NEK8: variants seen among roughly 807,000 people sequenced by gnomAD.
NEK8 encodes serine/threonine-protein kinase Nek8.
In NEK8, 51 loss-of-function variants were observed where a neutral mutation model predicts 77.2. The observed-to-expected ratio is 0.66, with a 90% confidence interval of 0.53 to 0.83. The LOEUF is 0.83. Among genes scored for constraint, NEK8 ranks in the 40% least tolerant of loss-of-function variants. The probability of loss-of-function intolerance (pLI) is 0.00; values close to 1 mark genes in which losing one functional copy is unlikely to be tolerated. For missense variants in NEK8, 787 were observed against 909.2 expected (o/e 0.87, Z 1.73); for synonymous variants, 365 against 363.2 (o/e 1.00, Z -0.06).
intron 1 of NEK8, among the ~76,000 whole-genome samples, chr17:28,730,682 C>T (rs1022226796): frequency 1.3e-5 from 2 of 151,992 alleles, no homozygotes; most frequent in African/African-American, 2.4e-5. Flanking sequence ...TTTGGGAGGC[C>T]GAGATGGGCA....
At position 28,728,871 on chromosome 17, in the gene NEK8, G is replaced by T. The variant is rs2151729846; in HGVS notation, c.47+11G>T. 1 of 1,549,056 alleles carries T rather than the reference G, an allele frequency of 6.5e-7. No individual in the cohort carries two copies. Among genetic ancestry groups the T allele is most frequent in the East Asian group, 2.4e-5 (1 of 40,916 alleles). ...GAGAGGTGCCTTCGGGTGAGCCAGG[G>T]CTCTGGGGGAGGAAACTGCTAGGGG... On this transcript the variant is annotated intron_variant, in intron 1 of 14. Transcript: ENST00000268766.
chr17:28,734,798 A>C lies in NEK8; in HGVS notation c.280A>C (p.Lys94Gln), dbSNP rs376267287. ...PGGTLAEFIQ[K>Q]RCNSLLEEET... is the part of the protein sequence containing the mutation. ...CGGCACTCTGGCTGAGTTCATCCAA[A>C]AGCGCTGTAATTCCCTGCTGGAGGA... The change falls in exon 3 of 15, where the codon AAG (lysine) becomes CAG (glutamine). Residue 94 changes from lysine to glutamine, a missense_variant. Transcript: ENST00000268766. 6 of 1,613,498 alleles carry C rather than the reference A, an allele frequency of 3.7e-6. No individual in the cohort carries two copies. In the African/African-American group the frequency reaches 6.7e-5, roughly 18 times the overall value.
Position 28,735,266 on chromosome 17 carries a change from C to T in NEK8, c.513C>T (p.Ser171=). 6.2e-7 allele frequency: 1 copy of T among 1,614,132 alleles called. No homozygotes were observed. Among genetic ancestry groups the T allele is most frequent in the Non-Finnish European group, 8.5e-7 (1 of 1,180,006 alleles). Residue 171 remains serine, a synonymous_variant, in exon 4 of 15, where the codon TCC becomes TCT. Transcript: ENST00000268766. ...TGGTGGGTACCCCATGCTATATCTC[C>T]CCTGAGCTGTGTGAGGGCAAGCCCT... The part of the protein sequence containing the change: ...YTVVGTPCYI[S]PELCEGKPYN...
At position 28,733,350 on chromosome 17, in the gene NEK8, G is replaced by A. The variant is rs1597804792; in HGVS notation, c.48-633G>A. On this transcript the variant is annotated intron_variant, in intron 1 of 14. Coordinates refer to ENST00000268766, the MANE Select transcript of NEK8 (RefSeq NM_178170.3). ...GTGAGCCATTCAAGTGGATATCTGA[G>A]TCTAGGGTTCAGAAGAGAAGCCTGA... is the stretch of plus-strand genomic sequence containing the variant. 2.6e-5 allele frequency among the ~76,000 whole-genome samples: 4 copies of A among 152,174 alleles called. No individual in the cohort carries two copies. The South Asian group carries it at 8.3e-4, about 32-fold the overall frequency.
In NEK8 at chr17:28,742,463, A is replaced by C. The variant is rs1044463904; in HGVS notation, c.*476A>C. ...AAAAAAATTAGCTGGGCGTGGTGGC[A>C]CGCGCCTGTAGTCCCAGCTGCTCAG... On this transcript the variant is annotated 3_prime_UTR_variant, in exon 15 of 15. Coordinates refer to ENST00000268766, the MANE Select transcript of NEK8 (RefSeq NM_178170.3). The C allele has an allele frequency of 4.4e-6, 1 of 227,202 alleles. No individual in the cohort carries two copies. Among genetic ancestry groups the C allele is most frequent in the African/African-American group, 2.3e-5 (1 of 43,918 alleles). 14.1% of individuals were successfully genotyped at this position (227,202 alleles called of 1,614,324 possible).
intron 3 of NEK8, 89 bp downstream of exon 3, chr17:28,735,093 C>T (rs956693653): frequency 1.3e-6 from 2 of 1,524,738 alleles, no homozygotes; most frequent in Non-Finnish European, 1.8e-6. Context: ...CTAAAAAACC[C>T]TTGGCCCTTT....
Position 28,737,146 on chromosome 17 carries a change from C to T in NEK8, c.619-160C>T, listed in dbSNP as rs1243606819. ...TTGGTCTATATCTCTGTTTTGGTAC[C>T]AGTACCATGCTGTTTTGGTTACTGT... On this transcript the variant is annotated intron_variant, in intron 4 of 14. Coordinates refer to ENST00000268766, the MANE Select transcript of NEK8 (RefSeq NM_178170.3). The surrounding 1 kb of genome is among the most constrained non-coding windows in gnomAD (Gnocchi z 4.8). Among the ~76,000 whole-genome samples, 1 of 152,208 alleles carries T rather than the reference C, an allele frequency of 6.6e-6. No individual in the cohort carries two copies. The highest frequency in any genetic ancestry group is 1.5e-5 in the Non-Finnish European group (1 of 68,040).
intron 8 of NEK8, 43 bp downstream of exon 8, chr17:28,738,288 C>T (rs2034387425): frequency 6.2e-7 from 1 of 1,610,794 alleles, no homozygotes; most frequent in Non-Finnish European, 8.5e-7. Context: ...TCTGAGGCCC[C>T]ACAGAGCACC....
In NEK8 at chr17:28,737,180, A is replaced by G. The variant is rs2034372873; in HGVS notation, c.619-126A>G. 2.2e-6 allele frequency: 2 copies of G among 915,808 alleles called. No homozygotes were observed. Among genetic ancestry groups the G allele is most frequent in the African/African-American group, 3.3e-5 (2 of 61,176 alleles). The allele number at this position is 915,808 out of a possible 1,614,324, so 56.7% of individuals were successfully genotyped here. Reference sequence around the variant, plus strand: ...GCTGTTTTGGTTACTGTAGCCTTGTAGTATAGTTTGAAGTCAGGTAGCATG... The same window carrying G: ...GCTGTTTTGGTTACTGTAGCCTTGTGGTATAGTTTGAAGTCAGGTAGCATG... On this transcript the variant is annotated intron_variant, in intron 4 of 14. Coordinates refer to ENST00000268766, the MANE Select transcript of NEK8 (RefSeq NM_178170.3). The surrounding 1 kb of genome is among the most constrained non-coding windows in gnomAD (Gnocchi z 4.8).
intron 1 of NEK8, among the ~76,000 whole-genome samples, chr17:28,730,980 C>T (rs549881473): frequency 1.4e-3 from 220 of 152,014 alleles, no homozygotes; most frequent in Non-Finnish European, 2.3e-3. Flanking sequence ...GGGCCGGGCA[C>T]GGTGGCTCAG....
At chr17:28,734,249 C>A in intron 2 of NEK8, 61 bp downstream of exon 2, 3 of 1,434,510 alleles carry the variant, frequency 2.1e-6, no homozygotes, top group Non-Finnish European at 3.0e-6. Context: ...GACAGGCAGA[C>A]ACAGATCTCC....
In NEK8 at chr17:28,740,892, G is replaced by T; in HGVS notation, c.1639G>T (p.Ala547Ser). ...TGTCCCCCACCAGCAAGTGGAGGAG[G>T]CCCTGAGCTTCACACTACTAGGCTC... The part of the protein sequence containing the change: ...EPVPHQQVEE[A>S]LSFTLLGSAP... Residue 547 changes from alanine (A) to serine (S), a missense_variant, in exon 12 of 15, where the codon GCC becomes TCC. Ala to Ser is a moderately conservative substitution (Grantham distance 99). Around this residue, in one of 2 missense-constraint regions of NEK8, gnomAD observed 516 missense variants for 544.0 expected, o/e 0.95. Coordinates refer to ENST00000268766, the MANE Select transcript of NEK8 (RefSeq NM_178170.3). The surrounding 1 kb of genome is among the most constrained non-coding windows in gnomAD (Gnocchi z 4.7). 6.2e-7 allele frequency: 1 copy of T among 1,614,128 alleles called. No individual in the cohort carries two copies. Among genetic ancestry groups the T allele is most frequent in the Non-Finnish European group, 8.5e-7 (1 of 1,180,006 alleles).
rs762310685 is a variant in NEK8, at chr17:28,740,865, C to G, written c.1612C>G (p.Pro538Ala). The change falls in exon 12 of 15, where the codon CCT becomes GCT. Residue 538 changes from proline to alanine, a missense_variant. Pro to Ala is a conservative substitution (Grantham distance 27). Around this residue, in one of 2 missense-constraint regions of NEK8, gnomAD observed 516 missense variants for 544.0 expected, o/e 0.95. Transcript: ENST00000268766. The surrounding 1 kb of genome is among the most constrained non-coding windows in gnomAD (Gnocchi z 4.7). ...GGACCACCTCTCCCTGGGGGAGGAG[C>G]CTGTCCCCCACCAGCAAGTGGAGGA... ...GLDHLSLGEE[P>A]VPHQQVEEAL... 1.2e-6 allele frequency: 2 copies of G among 1,613,960 alleles called. No homozygotes were observed. Among genetic ancestry groups the G allele is most frequent in the African/African-American group, 1.3e-5 (1 of 74,940 alleles).
Position 28,741,639 on chromosome 17 carries a change from T to A in NEK8, c.2050+68T>A, listed in dbSNP as rs1022433924. The A allele has an allele frequency of 6.0e-6, 9 of 1,504,214 alleles. No individual in the cohort carries two copies. The Admixed American group carries it at 1.5e-4, about 25-fold the overall frequency. The allele number at this position is 1,504,214 out of a possible 1,614,324, so 93.2% of individuals were successfully genotyped here. Reference sequence around the variant, plus strand: ...CCCCTGTCCACACTCCCATCCCCAGTGTTCACAGATGGCCACATCACCAAA... The same window carrying A: ...CCCCTGTCCACACTCCCATCCCCAGAGTTCACAGATGGCCACATCACCAAA... On this transcript the variant is annotated intron_variant, in intron 14 of 14. Coordinates refer to ENST00000268766, the MANE Select transcript of NEK8 (RefSeq NM_178170.3). This position sits in a 1 kb window ranked among gnomAD's most constrained non-coding sequence, Gnocchi z 4.5.
At chr17:28,728,967 C>A in intron 1 of NEK8, 107 bp downstream of exon 1, 1 of 1,077,936 alleles carries the variant, frequency 9.3e-7, no homozygotes, top group African/African-American at 1.6e-5. Flanking sequence ...GGCGTGAGCG[C>A]CACTCTGGGA....
rs1597808533 is a variant in NEK8 at position 28,741,627 on chromosome 17, T to A, written c.2050+56T>A. On this transcript the variant is annotated intron_variant, in intron 14 of 14. Coordinates refer to ENST00000268766, the MANE Select transcript of NEK8 (RefSeq NM_178170.3). The surrounding 1 kb of genome is among the most constrained non-coding windows in gnomAD (Gnocchi z 4.5). ...CAGCCCAGCTGGCCCCTGTCCACACTCCCATCCCCAGTGTTCACAGATGGC... is the reference window on the plus strand; with the variant it reads ...CAGCCCAGCTGGCCCCTGTCCACACACCCATCCCCAGTGTTCACAGATGGC... The A allele has an allele frequency of 7.0e-6, 11 of 1,572,938 alleles. No individual in the cohort carries two copies. Among genetic ancestry groups the A allele is most frequent in the African/African-American group, 2.7e-5 (2 of 74,192 alleles).
rs1380959101 is a variant in NEK8, at chr17:28,732,131, C to G, written c.48-1852C>G. On this transcript the variant is annotated intron_variant, in intron 1 of 14. Coordinates refer to ENST00000268766, the MANE Select transcript of NEK8 (RefSeq NM_178170.3). ...ATTTTTAGTAGAGACGGGGTTTCAT[C>G]GTGTTAGCCAGGATAGTAAGATTTT... 2.0e-5 allele frequency among the ~76,000 whole-genome samples: 3 copies of G among 150,970 alleles called. No homozygotes were observed. The Admixed American group carries it at 2.0e-4, about 10-fold the overall frequency.
chr17:28,741,626 C>T lies in NEK8; in HGVS notation c.2050+55C>T, dbSNP rs1234468866. 1.3e-6 allele frequency: 2 copies of T among 1,573,298 alleles called. No individual in the cohort carries two copies. The highest frequency in any genetic ancestry group is 1.7e-6 in the Non-Finnish European group (2 of 1,144,264). On this transcript the variant is annotated intron_variant, in intron 14 of 14. Transcript: ENST00000268766. This position sits in a 1 kb window ranked among gnomAD's most constrained non-coding sequence, Gnocchi z 4.5. ...ACAGCCCAGCTGGCCCCTGTCCACACTCCCATCCCCAGTGTTCACAGATGG... is the reference window on the plus strand; with the variant it reads ...ACAGCCCAGCTGGCCCCTGTCCACATTCCCATCCCCAGTGTTCACAGATGG...
intron 1 of NEK8, among the ~76,000 whole-genome samples, chr17:28,732,358 C>T (rs1277315376): frequency 6.6e-6 from 1 of 151,604 alleles, no homozygotes; most frequent in East Asian, 1.9e-4. Flanking sequence ...TTGAGGGTGA[C>T]AGGAGTGAAA....
Sources: gnomAD v4.1 joint callset for allele counts (sites outside exome capture counted in the v4.1 genomes callset) on GRCh38, gnomAD v4.1.1 for gene constraint, gnomAD v4.1.1 regional missense constraint, Gnocchi (gnomAD v3.1) non-coding constraint, MANE v1.5 for transcripts, NCBI Gene and HGNC (gene_info 2026-07-23, HGNC 2026-07-21) for gene names.